TPRG1: variants seen among roughly 807,000 people sequenced by gnomAD.
TPRG1 encodes the protein tumor protein p63 regulated 1.
Under a neutral mutation model 29.3 loss-of-function variants are expected in TPRG1, and 29 were observed. The observed-to-expected ratio is 0.99, with a 90% CI of 0.74 to 1.35. TPRG1 has a LOEUF of 1.35. Among genes scored for constraint, TPRG1 ranks in the 40% most tolerant of loss-of-function variants. The probability of loss-of-function intolerance (pLI) is 0.00; values close to 1 mark genes in which losing one functional copy is unlikely to be tolerated. For synonymous variants in TPRG1, 130 were observed against 116.8 expected, an observed-to-expected ratio of 1.11 and a Z score of -0.73; for missense variants, 327 against 335.0, an observed-to-expected ratio of 0.98 and a Z score of 0.19.
intron 4 of TPRG1, among the ~76,000 whole-genome samples, chr3:189,031,083 C>T (rs941056847): frequency 3.9e-5 from 6 of 152,038 alleles, no homozygotes; most frequent in Admixed American, 6.6e-5. Context: ...CTGTTAGAGA[C>T]CAGCCTGGCC....
intron 1 of TPRG1, among the ~76,000 whole-genome samples, chr3:189,119,967 A>G (rs1299763401): frequency 1.3e-5 from 2 of 152,138 alleles, no homozygotes; most frequent in Admixed American, 6.5e-5. Context: ...GGTTTCGGGG[A>G]TGGCAGTGGC....
intron 5 of TPRG1, among the ~76,000 whole-genome samples, chr3:189,312,538 G>A (rs1024721679): frequency 3.9e-5 from 6 of 151,904 alleles, no homozygotes; most frequent in African/African-American, 1.5e-4. Flanking sequence ...CATTTCCTGG[G>A]CCAAGTCTTC....
Position 189,184,682 on chromosome 3 carries a change from A to G in TPRG1, c.-10+12551A>G, listed in dbSNP as rs56029409. ...CTGTGTTATCACTGTTGTCCTCATTAAAATCTTCCCGTACCGTCATCATCA... is the reference window on the plus strand; with the variant it reads ...CTGTGTTATCACTGTTGTCCTCATTGAAATCTTCCCGTACCGTCATCATCA... On this transcript the variant is annotated intron_variant, in intron 1 of 5. Transcript: ENST00000345063. Among the ~76,000 whole-genome samples, 1,136 of 152,356 alleles carry G rather than the reference A, an allele frequency of 7.5e-3. 10 individuals carry two copies. Among genetic ancestry groups the G allele is most frequent in the Non-Finnish European group, 0.011 (728 of 68,030 alleles).
intron 4 of TPRG1, among the ~76,000 whole-genome samples, chr3:189,041,884 T>C (rs1714656592): frequency 6.6e-6 from 1 of 152,192 alleles, no homozygotes; most frequent in Non-Finnish European, 1.5e-5. Flanking sequence ...ACGTAAAATA[T>C]ACAACTAGAC....
In TPRG1 at chr3:189,310,401, C is replaced by A; in HGVS notation, c.495C>A (p.Gly165=). ...GMSLDKRQGE[G]LRIYWGSPEE... ...TTTCTTGTAGGAGACAAGGAGAAGG[C>A]CTTAGGATCTACTGGGGGAGTCCGG... The change falls in exon 5 of 6, where the codon GGC becomes GGA. Residue 165 remains glycine (G), a synonymous_variant. Coordinates refer to ENST00000345063, the MANE Select transcript of TPRG1 (RefSeq NM_198485.4). 2 of 1,605,322 alleles carry A rather than the reference C, an allele frequency of 1.2e-6. No homozygotes were observed. The highest frequency in any genetic ancestry group is 1.7e-6 in the Non-Finnish European group (2 of 1,174,982).
At chr3:189,256,845 T>C (rs1459674568) in intron 4 of TPRG1, among the ~76,000 whole-genome samples, 1 of 152,182 alleles carries the variant, frequency 6.6e-6, no homozygotes, top group East Asian at 1.9e-4. Flanking sequence ...TTCTTTGCTT[T>C]CCATTTGCTT....
chr3:189,212,401 G>GA (rs1010568649), intron 2 of TPRG1, among the ~76,000 whole-genome samples: 5 of 151,930 alleles, frequency 3.3e-5, no homozygotes, highest in African/African-American at 1.2e-4. Context: ...TCTTGCTATA[G>GA]GGTTCCCTGT....
chr3:189,272,695 C>CTT (rs770742123), intron 4 of TPRG1, among the ~76,000 whole-genome samples: 16,085 of 133,968 alleles, frequency 0.12, 1,100 homozygotes, highest in African/African-American at 0.2. Context: ...TTCTTTCTTT[C>CTT]TCTTTCTTTC....
intron 4 of TPRG1, among the ~76,000 whole-genome samples, chr3:189,035,391 T>C (rs577926888): frequency 2.0e-5 from 3 of 152,236 alleles, no homozygotes; most frequent in East Asian, 3.9e-4. Context: ...AATTTATGAC[T>C]AAGTCCCCAA....
chr3:189,310,326 C>CTT, intron 4 of TPRG1, 60 bp from the exon 5 acceptor site: 4 of 1,253,752 alleles, frequency 3.2e-6, no homozygotes, highest in Admixed American at 2.3e-5. Context: ...GTATTACATT[C>CTT]TATTTTTTTT....
At chr3:189,146,317 A>G (rs977996283) in intron 3 of TPRG1, among the ~76,000 whole-genome samples, 2 of 152,250 alleles carry the variant, frequency 1.3e-5, no homozygotes, top group Non-Finnish European at 2.9e-5. Context: ...GGTCACAGTT[A>G]GGAAGAGAAG....
chr3:189,274,099 C>T (rs996813158), intron 4 of TPRG1, among the ~76,000 whole-genome samples: 2 of 145,426 alleles, frequency 1.4e-5, no homozygotes, highest in African/African-American at 2.8e-5. Context: ...TTTAACTTCT[C>T]GGAACCCAGA....
chr3:189,295,045 C>A (rs1418685983), intron 4 of TPRG1, among the ~76,000 whole-genome samples: 5 of 152,258 alleles, frequency 3.3e-5, no homozygotes, highest in African/African-American at 1.2e-4. Context: ...TTCCCACATT[C>A]ACGCCTTTGT....
chr3:189,065,884 T>A (rs542352706), intron 4 of TPRG1, among the ~76,000 whole-genome samples: 1 of 152,228 alleles, frequency 6.6e-6, no homozygotes, highest in South Asian at 2.1e-4. Flanking sequence ...GAAGATGACA[T>A]GATTATCTTA....
chr3:189,049,115 T>G (rs1715150432), intron 4 of TPRG1, among the ~76,000 whole-genome samples: 1 of 152,088 alleles, frequency 6.6e-6, no homozygotes, highest in Admixed American at 6.5e-5. Flanking sequence ...TTGTAATAAT[T>G]TGAACAGGGT....
chr3:189,143,317 CATCT>C (rs1724829100), intron 3 of TPRG1, among the ~76,000 whole-genome samples: 1 of 152,182 alleles, frequency 6.6e-6, no homozygotes, highest in South Asian at 2.1e-4. Flanking sequence ...CTCCGAATGA[CATCT>C]ATATGCTTCA....
intron 3 of TPRG1, among the ~76,000 whole-genome samples, chr3:189,222,909 G>C (rs1476414536): frequency 3.3e-5 from 5 of 152,126 alleles, no homozygotes; most frequent in Non-Finnish European, 5.9e-5. Flanking sequence ...CCTCTGCCTT[G>C]TTTCTGCTAA....
At chr3:189,202,912 G>A (rs1416468117) in intron 1 of TPRG1, among the ~76,000 whole-genome samples, 3 of 152,176 alleles carry the variant, frequency 2.0e-5, no homozygotes, top group Non-Finnish European at 2.9e-5. Context: ...TTTGATGGCC[G>A]TTTCTTTGCT....
At chr3:189,063,078 A>T (rs557138484) in intron 4 of TPRG1, among the ~76,000 whole-genome samples, 37 of 152,196 alleles carry the variant, frequency 2.4e-4, no homozygotes, top group Non-Finnish European at 4.4e-4. Flanking sequence ...AAAATTTACC[A>T]TGCAAACTTT....
Sources: allele counts gnomAD v4.1 joint callset (sites outside exome capture counted in the v4.1 genomes callset), GRCh38; gene constraint gnomAD v4.1.1; transcripts MANE v1.5; gene names NCBI Gene and HGNC (gene_info 2026-07-23, HGNC 2026-07-21).